The following DTX1 variants were observed in gnomAD, a reference collection of about 807,000 sequenced individuals.
DTX1 encodes the protein deltex E3 ubiquitin ligase 1.
DTX1 carries 26 observed loss-of-function variants against 57.8 expected under a neutral mutation model. That is an observed-to-expected ratio of 0.45 (90% CI 0.33 to 0.62). DTX1 has a LOEUF of 0.62. Ranked by LOEUF, DTX1 falls within the 20% of genes least tolerant of loss-of-function variation. DTX1 has a pLI of 0.02. For synonymous variants in DTX1, 398 were observed against 394.1 expected, an observed-to-expected ratio of 1.01 and a Z score of -0.12; for missense variants, 704 against 895.3, an observed-to-expected ratio of 0.79 and a Z score of 2.73.
At chr12:113,075,876 G>A (rs925380001) in intron 2 of DTX1, among the ~76,000 whole-genome samples, 2 of 151,812 alleles carry the variant, frequency 1.3e-5, no homozygotes, top group Admixed American at 6.6e-5. Context: ...AACAAATATC[G>A]CTCGAGCACC....
At chr12:113,082,877 C>T (rs7294709) in intron 3 of DTX1, among the ~76,000 whole-genome samples, 11,527 of 152,278 alleles carry the variant, frequency 0.076, 1,391 homozygotes, top group African/African-American at 0.25. Context: ...GAATTATAGG[C>T]GTGAGCCACA....
intron 3 of DTX1, among the ~76,000 whole-genome samples, 154 bp downstream of exon 3, chr12:113,078,259 A>G (rs2044790636): frequency 6.6e-6 from 1 of 152,162 alleles, no homozygotes. Flanking sequence ...ATTTTGTGCC[A>G]AGCATCAACT....
intron 2 of DTX1, among the ~76,000 whole-genome samples, chr12:113,062,502 T>C (rs2044672297): frequency 6.6e-6 from 1 of 152,220 alleles, no homozygotes; most frequent in Admixed American, 6.5e-5. Context: ...AGCTGCACGA[T>C]AGCAGATGGT....
chr12:113,058,053 G>A lies in DTX1; in HGVS notation c.-140G>A. 7.3e-7 allele frequency: 1 copy of A among 1,369,986 alleles called. No homozygotes were observed. Among genetic ancestry groups the A allele is most frequent in the Non-Finnish European group, 9.6e-7 (1 of 1,039,804 alleles). 84.9% of individuals were successfully genotyped at this position (1,369,986 alleles called of 1,614,324 possible). A position where few individuals can be genotyped will look rare whatever the true frequency, so the allele number is the denominator to read the frequency against. The stretch of plus-strand genomic sequence containing the variant: ...CTTTAACGGAGGTCTCTAGGCCTCA[G>A]AGAGAACCCAGAGTTAGAAAGGAGG... On this transcript the variant is annotated 5_prime_UTR_variant, in exon 2 of 10. Transcript: ENST00000548759.
Position 113,057,995 on chromosome 12 carries a change from G to C in DTX1, c.-198G>C. On this transcript the variant is annotated 5_prime_UTR_variant, in exon 2 of 10. Transcript: ENST00000548759. Reference sequence around the variant, plus strand: ...ATCGGAGAAGGCTCTACAGGGAAGGGGTCTTTGCAGCCTGGATGGCCATCC... The same window carrying C: ...ATCGGAGAAGGCTCTACAGGGAAGGCGTCTTTGCAGCCTGGATGGCCATCC... The C allele has an allele frequency of 1.3e-6, 1 of 797,624 alleles. No homozygotes were observed. Among genetic ancestry groups the C allele is most frequent in the South Asian group, 1.9e-5 (1 of 53,048 alleles). The allele number at this position is 797,624 out of a possible 1,614,324, so 49.4% of individuals were successfully genotyped here.
At position 113,097,035 on chromosome 12, in the gene DTX1, G is replaced by A; in HGVS notation, c.*96G>A. ...CCTGGTAGCCCAGGTTCAGGGCTGG[G>A]GAGGAGCCTGCGGAAGGGGCCGCAG... On this transcript the variant is annotated 3_prime_UTR_variant, in exon 10 of 10. Coordinates refer to ENST00000548759, the MANE Select transcript of DTX1 (RefSeq NM_004416.3). 1 of 1,369,766 alleles carries A rather than the reference G, an allele frequency of 7.3e-7. No homozygotes were observed. Among genetic ancestry groups the A allele is most frequent in the Non-Finnish European group, 9.8e-7 (1 of 1,024,972 alleles). The allele number at this position is 1,369,766 out of a possible 1,614,324, so 84.9% of individuals were successfully genotyped here.
chr12:113,061,424 A>C (rs1040057431), intron 2 of DTX1, among the ~76,000 whole-genome samples: 10 of 152,198 alleles, frequency 6.6e-5, no homozygotes, highest in Non-Finnish European at 1.0e-4. Flanking sequence ...AATGTCAAGA[A>C]AGGACGTCTT....
chr12:113,094,250 C>T (rs999301560), intron 6 of DTX1, 151 bp downstream of exon 6: 57 of 646,276 alleles, frequency 8.8e-5, no homozygotes, highest in African/African-American at 1.5e-4. Context: ...GAAATACTTA[C>T]GTTTAATAGA....
intron 3 of DTX1, among the ~76,000 whole-genome samples, chr12:113,089,354 T>C (rs1448597424): frequency 6.6e-6 from 1 of 152,016 alleles, no homozygotes; most frequent in East Asian, 1.9e-4. Context: ...GGGATCTGAT[T>C]TGGGACTGGG....
In DTX1 at chr12:113,077,338, C is replaced by T; in HGVS notation, c.260-86C>T. 1 of 1,457,196 alleles carries T rather than the reference C, an allele frequency of 6.9e-7. No individual in the cohort carries two copies. Among genetic ancestry groups the T allele is most frequent in the Non-Finnish European group, 9.1e-7 (1 of 1,098,722 alleles). The allele number at this position is 1,457,196 out of a possible 1,614,324, so 90.3% of individuals were successfully genotyped here. A position where few individuals can be genotyped will look rare whatever the true frequency, so the allele number is the denominator to read the frequency against. On this transcript the variant is annotated intron_variant, in intron 2 of 9. Transcript: ENST00000548759. This position sits in a 1 kb window ranked among gnomAD's most constrained non-coding sequence, Gnocchi z 7.8. ...CTGTGCTGACCCCCCAACCTCCCGC[C>T]CACCCTTGCCTGGCTGTGGCCCGCC...
intron 2 of DTX1, 111 bp downstream of exon 2, chr12:113,058,562 T>C (rs1448479009): frequency 3.3e-5 from 49 of 1,492,406 alleles, no homozygotes; most frequent in Non-Finnish European, 4.1e-5. Context: ...CTTCCCCATC[T>C]CCCTGCCTCA....
chr12:113,085,561 G>A (rs2136063376), intron 3 of DTX1, among the ~76,000 whole-genome samples: 1 of 152,262 alleles, frequency 6.6e-6, no homozygotes, highest in South Asian at 2.1e-4. Flanking sequence ...ATCCTTCCCT[G>A]GAGCTGTTTA....
At chr12:113,085,388 A>T (rs1012894682) in intron 3 of DTX1, among the ~76,000 whole-genome samples, 4 of 152,050 alleles carry the variant, frequency 2.6e-5, no homozygotes, top group African/African-American at 9.7e-5. Flanking sequence ...TGTCCCTCCC[A>T]TCTCTATCAG....
chr12:113,091,128 G>A (rs550517741), intron 3 of DTX1, among the ~76,000 whole-genome samples: 2 of 152,282 alleles, frequency 1.3e-5, no homozygotes, highest in South Asian at 4.1e-4. Context: ...GGCGGCAGTA[G>A]CAGGTGCGGT....
At chr12:113,090,073 C>T (rs1267564101) in intron 3 of DTX1, 2 of 152,150 alleles carry the variant, frequency 1.3e-5, no homozygotes, top group African/African-American at 2.4e-5. Flanking sequence ...AGGAGACCAA[C>T]CAGTGGTGGT....
intron 9 of DTX1, among the ~76,000 whole-genome samples, chr12:113,096,311 C>T (rs982035181): frequency 4.0e-5 from 6 of 151,034 alleles, no homozygotes; most frequent in Non-Finnish European, 7.4e-5. Context: ...TGAGACCAAT[C>T]TGGGCAACAT....
chr12:113,081,588 G>A (rs1292990410), intron 3 of DTX1, among the ~76,000 whole-genome samples: 1 of 152,166 alleles, frequency 6.6e-6, no homozygotes, highest in Non-Finnish European at 1.5e-5. Flanking sequence ...GGGACAGGGT[G>A]ATGTGGGAAT....
chr12:113,057,949 C>G lies in DTX1; in HGVS notation c.-244C>G. 2 of 603,144 alleles carry G rather than the reference C, an allele frequency of 3.3e-6. No individual in the cohort carries two copies. Among genetic ancestry groups the G allele is most frequent in the Middle Eastern group, 4.5e-4 (1 of 2,200 alleles). The allele number at this position is 603,144 out of a possible 1,614,324, so 37.4% of individuals were successfully genotyped here. ...TCCTCCGGCATAAGAGAGACACTTG[C>G]TTTCCAGGGCAGCACCCTTTATCGG... is the stretch of plus-strand genomic sequence containing the variant. On this transcript the variant is annotated 5_prime_UTR_variant, in exon 2 of 10. Coordinates refer to ENST00000548759, the MANE Select transcript of DTX1 (RefSeq NM_004416.3).
Position 113,097,188 on chromosome 12 carries a change from G to C in DTX1, c.*249G>C. 1 of 517,072 alleles carries C rather than the reference G, an allele frequency of 1.9e-6. No homozygotes were observed. Among genetic ancestry groups the C allele is most frequent in the Middle Eastern group, 5.1e-4 (1 of 1,948 alleles). 32.0% of individuals were successfully genotyped at this position (517,072 alleles called of 1,614,324 possible). ...GAAACCTCCCTACCAAAAAGACAGA[G>C]ACCCGCCCCCTCACACACAAACACA... On this transcript the variant is annotated 3_prime_UTR_variant, in exon 10 of 10. Transcript: ENST00000548759.
Sources: gnomAD v4.1 joint callset for allele counts (sites outside exome capture counted in the v4.1 genomes callset) on GRCh38, gnomAD v4.1.1 for gene constraint, Gnocchi (gnomAD v3.1) non-coding constraint, MANE v1.5 for transcripts, NCBI Gene and HGNC (gene_info 2026-07-23, HGNC 2026-07-21) for gene names.